MAGI1: variants seen among roughly 807,000 people sequenced by gnomAD.
MAGI1 encodes membrane-associated guanylate kinase, WW and PDZ domain-containing protein 1.
In MAGI1, 58 loss-of-function variants were observed where a neutral mutation model predicts 139.9. That is an observed-to-expected ratio of 0.41 (90% CI 0.34 to 0.52). The LOEUF is 0.52. MAGI1 is among the 20% of genes least tolerant of loss of function. The pLI is 0.12. For synonymous variants in MAGI1, 812 were observed against 737.9 expected (o/e 1.10, Z -1.63); for missense variants, 1,874 against 1,901.6 (o/e 0.99, Z 0.27).
chr3:66,020,040 C>A (rs896671594), intron 1 of MAGI1, among the ~76,000 whole-genome samples: 1 of 152,186 alleles, frequency 6.6e-6, no homozygotes, highest in African/African-American at 2.4e-5. Context: ...GATTGCAGAA[C>A]TAAGGCATTC....
chr3:65,684,050 T>A (rs1373457365), intron 1 of MAGI1, among the ~76,000 whole-genome samples: 1 of 146,444 alleles, frequency 6.8e-6, no homozygotes, highest in Non-Finnish European at 1.5e-5. Flanking sequence ...GGCATACAGC[T>A]ATAGTCCCAG....
chr3:65,677,834 C>T (rs1462422577), intron 1 of MAGI1, among the ~76,000 whole-genome samples: 2 of 152,186 alleles, frequency 1.3e-5, no homozygotes, highest in Non-Finnish European at 2.9e-5. Context: ...AAATCCAACA[C>T]CATATTAATC....
In MAGI1 at chr3:65,777,884, A is replaced by G. The variant is rs138537611; in HGVS notation, c.314-155796T>C. ...AATTATATAAAAAATTTAGCAAGAA[A>G]ACTGGCATGCAGTAAACAATCAATA... On this transcript the variant is annotated intron_variant, in intron 1 of 22. Transcript: ENST00000402939. Among the ~76,000 whole-genome samples the G allele has an allele frequency of 2.9e-3, 435 of 152,294 alleles. 1 individual carries two copies. Among genetic ancestry groups the G allele is most frequent in the African/African-American group, 9.7e-3 (405 of 41,564 alleles).
chr3:65,620,185 T>C (rs1045500136), intron 2 of MAGI1, among the ~76,000 whole-genome samples: 5 of 152,176 alleles, frequency 3.3e-5, no homozygotes, highest in Admixed American at 1.3e-4. Flanking sequence ...GGAATCTAAG[T>C]AGGGGAAAAA....
At chr3:65,741,839 G>A (rs1357412261) in intron 1 of MAGI1, among the ~76,000 whole-genome samples, 7 of 152,106 alleles carry the variant, frequency 4.6e-5, no homozygotes, top group Admixed American at 6.5e-5. Context: ...GAAAATCCAC[G>A]AACATGGAGA....
intron 21 of MAGI1, among the ~76,000 whole-genome samples, 181 bp from the exon 22 acceptor site, chr3:65,361,518 A>G (rs143703356): frequency 6.6e-6 from 1 of 152,306 alleles, no homozygotes; most frequent in Non-Finnish European, 1.5e-5. Flanking sequence ...GAAAATTAGA[A>G]AACTACATAT....
At chr3:65,824,866 T>A (rs1167807923) in intron 1 of MAGI1, among the ~76,000 whole-genome samples, 1 of 152,240 alleles carries the variant, frequency 6.6e-6, no homozygotes. Context: ...TAACCTCTTT[T>A]GCTACCAGAC....
intron 1 of MAGI1, among the ~76,000 whole-genome samples, chr3:66,011,155 T>C (rs919460203): frequency 3.3e-5 from 5 of 152,124 alleles, no homozygotes; most frequent in African/African-American, 1.2e-4. Flanking sequence ...CAACTCTCTG[T>C]GACAAAAGGT....
chr3:65,923,531 A>C (rs986540159), intron 1 of MAGI1, among the ~76,000 whole-genome samples: 1 of 151,984 alleles, frequency 6.6e-6, no homozygotes. Context: ...GGCCTCAATA[A>C]ACATCTTAAA....
intron 1 of MAGI1, among the ~76,000 whole-genome samples, chr3:65,788,957 C>T (rs1402339950): frequency 1.3e-5 from 2 of 152,106 alleles, no homozygotes; most frequent in African/African-American, 4.8e-5. Context: ...CCAGGAGAAT[C>T]CGTTGCGGCC....
intron 1 of MAGI1, among the ~76,000 whole-genome samples, chr3:65,806,634 T>C (rs1295041091): frequency 6.6e-6 from 1 of 152,230 alleles, no homozygotes. Context: ...CAATCATTCA[T>C]TGCTCAGTTA....
At chr3:65,446,181 A>C (rs192566028) in intron 7 of MAGI1, among the ~76,000 whole-genome samples, 1 of 152,380 alleles carries the variant, frequency 6.6e-6, no homozygotes, top group African/African-American at 2.4e-5. Context: ...AGAGGGAATT[A>C]GGTAATAAAT....
intron 1 of MAGI1, among the ~76,000 whole-genome samples, chr3:65,632,029 A>AG (rs2084345536): frequency 6.6e-6 from 1 of 152,066 alleles, no homozygotes; most frequent in South Asian, 2.1e-4. Flanking sequence ...CGTCTCAAAA[A>AG]AAAAAAAACA....
At chr3:65,404,371 C>A (rs72626921) in intron 12 of MAGI1, among the ~76,000 whole-genome samples, 45,872 of 152,070 alleles carry the variant, frequency 0.3, 7,827 homozygotes, top group South Asian at 0.44. Flanking sequence ...AAGATCCCAG[C>A]TCAACTGACA....
intron 14 of MAGI1, among the ~76,000 whole-genome samples, chr3:65,388,513 A>G (rs1409939104): frequency 6.6e-6 from 1 of 152,166 alleles, no homozygotes; most frequent in African/African-American, 2.4e-5. Flanking sequence ...AGAGAATGGC[A>G]GAAACTGATC....
At chr3:65,699,555 T>G (rs539572207) in intron 1 of MAGI1, among the ~76,000 whole-genome samples, 5,137 of 144,760 alleles carry the variant, frequency 0.035, 283 homozygotes, top group African/African-American at 0.13. Context: ...CCATAAAAAA[T>G]GATGAGTTCA....
chr3:65,394,187 TAG>T (rs1334064743), intron 13 of MAGI1, among the ~76,000 whole-genome samples: 1 of 152,134 alleles, frequency 6.6e-6, no homozygotes, highest in Admixed American at 6.5e-5. Flanking sequence ...CCACCAGAAA[TAG>T]AGAGTGCAAA....
At chr3:65,844,242 G>A (rs140778974) in intron 1 of MAGI1, 48 of 464,560 alleles carry the variant, frequency 1.0e-4, no homozygotes, top group African/African-American at 7.5e-4. Context: ...GAGCAGATCC[G>A]GGTGAACAAA....
chr3:65,864,226 T>G (rs1255198508), intron 1 of MAGI1, among the ~76,000 whole-genome samples: 1 of 152,132 alleles, frequency 6.6e-6, no homozygotes, highest in Non-Finnish European at 1.5e-5. Flanking sequence ...TAGAGAAACG[T>G]ATAAATAAAT....
Sources: allele counts gnomAD v4.1 joint callset (sites outside exome capture counted in the v4.1 genomes callset), GRCh38; gene constraint gnomAD v4.1.1; transcripts MANE v1.5; gene names NCBI Gene and HGNC (gene_info 2026-07-23, HGNC 2026-07-21).